The following CSMD1 variants were observed in gnomAD, a reference collection of about 807,000 sequenced individuals.
CSMD1 encodes the protein CUB and Sushi multiple domains 1.
CSMD1 carries 213 observed loss-of-function variants against 417.5 expected under a neutral mutation model. The ratio of observed to expected loss-of-function variants is 0.51; its 90% CI spans 0.46 to 0.57. CSMD1 has a LOEUF of 0.57. Ranked by LOEUF, CSMD1 falls within the 20% of genes least tolerant of loss-of-function variation. The probability of loss-of-function intolerance (pLI) is 0.00; values close to 1 mark genes in which losing one functional copy is unlikely to be tolerated. For synonymous variants in CSMD1, 2,862 were observed against 1,736.8 expected (o/e 1.65, Z -16.11); for missense variants, 6,923 against 4,529.7 (o/e 1.53, Z -15.17).
chr8:4,743,123 C>G (rs1228385350), intron 1 of CSMD1, among the ~76,000 whole-genome samples: 2 of 151,766 alleles, frequency 1.3e-5, no homozygotes, highest in Non-Finnish European at 2.9e-5. Flanking sequence ...ATAAATATAC[C>G]AAGAAAAATA....
intron 3 of CSMD1, among the ~76,000 whole-genome samples, chr8:4,330,861 C>G (rs1249635991): frequency 6.6e-6 from 1 of 152,096 alleles, no homozygotes. Flanking sequence ...GATTCTACAG[C>G]TCAGCAGGAA....
intron 1 of CSMD1, among the ~76,000 whole-genome samples, chr8:4,982,901 G>C (rs542079867): frequency 5.3e-5 from 8 of 152,278 alleles, no homozygotes; most frequent in Admixed American, 4.6e-4. Context: ...AGTTGTAAAA[G>C]AAAGAGACTG....
intron 10 of CSMD1, among the ~76,000 whole-genome samples, chr8:3,551,702 T>G (rs1798923389): frequency 6.6e-6 from 1 of 151,698 alleles, no homozygotes; most frequent in African/African-American, 2.4e-5. Context: ...ACATGACTGA[T>G]GATGAGAAAT....
chr8:4,848,992 T>C (rs75145705), intron 1 of CSMD1, among the ~76,000 whole-genome samples: 1 of 152,212 alleles, frequency 6.6e-6, no homozygotes, highest in East Asian at 1.9e-4. Flanking sequence ...CTTCAGGAAG[T>C]ATTGGAGAAT....
At chr8:4,522,553 T>A (rs1803519795) in intron 2 of CSMD1, among the ~76,000 whole-genome samples, 1 of 152,200 alleles carries the variant, frequency 6.6e-6, no homozygotes, top group African/African-American at 2.4e-5. Context: ...CTCACATAAC[T>A]GATAATTCTG....
At chr8:3,908,729 ATAT>A (rs1808270535) in intron 5 of CSMD1, among the ~76,000 whole-genome samples, 1 of 152,174 alleles carries the variant, frequency 6.6e-6, no homozygotes, top group South Asian at 2.1e-4. Flanking sequence ...GGTCTCAAAG[ATAT>A]TATTAATATA....
At chr8:4,296,740 T>C (rs73660736) in intron 3 of CSMD1, among the ~76,000 whole-genome samples, 240 of 128,358 alleles carry the variant, frequency 1.9e-3, no homozygotes, top group African/African-American at 6.8e-3. Flanking sequence ...CTCTATTGGG[T>C]ATATTTCTAC....
At chr8:2,946,201 ATCTTTTGTTGACC>A (rs1802222656) in intron 68 of CSMD1, among the ~76,000 whole-genome samples, 1 of 152,182 alleles carries the variant, frequency 6.6e-6, no homozygotes, top group Non-Finnish European at 1.5e-5. Flanking sequence ...TGCATATGCG[ATCTTTTGTTGACC>A]AAAATGTCAT....
chr8:4,190,273 A>AG (rs1563247556), intron 3 of CSMD1, among the ~76,000 whole-genome samples: 2 of 150,582 alleles, frequency 1.3e-5, no homozygotes, highest in Non-Finnish European at 3.0e-5. Flanking sequence ...AAAAAAAAAA[A>AG]AAGCAGAGAC....
chr8:4,946,424 C>T (rs148715130), intron 1 of CSMD1, among the ~76,000 whole-genome samples: 1 of 152,144 alleles, frequency 6.6e-6, no homozygotes, highest in African/African-American at 2.4e-5. Context: ...ATGAAGATGG[C>T]TTTGGACCGT....
intron 3 of CSMD1, among the ~76,000 whole-genome samples, chr8:4,110,678 G>A (rs1214209967): frequency 9.9e-5 from 15 of 151,940 alleles, no homozygotes; most frequent in Admixed American, 9.2e-4. Context: ...AGTTACCTAA[G>A]AAAATGTTTT....
At chr8:3,927,926 T>C (rs920499733) in intron 5 of CSMD1, among the ~76,000 whole-genome samples, 3 of 152,120 alleles carry the variant, frequency 2.0e-5, no homozygotes, top group Admixed American at 6.6e-5. Context: ...ATCAAATTCT[T>C]TGTTTTGTTA....
intron 5 of CSMD1, among the ~76,000 whole-genome samples, chr8:3,995,188 A>AATT (rs1054591735): frequency 1.4e-4 from 22 of 152,268 alleles, no homozygotes; most frequent in African/African-American, 5.1e-4. Flanking sequence ...GGGTACTTCA[A>AATT]ATTATTCTGT....
intron 7 of CSMD1, among the ~76,000 whole-genome samples, chr8:3,640,551 C>A (rs1381215364): frequency 1.3e-5 from 2 of 152,092 alleles, no homozygotes; most frequent in African/African-American, 4.8e-5. Context: ...TCATTTTTTT[C>A]CACTGGATTG....
intron 1 of CSMD1, among the ~76,000 whole-genome samples, chr8:4,814,272 A>G (rs11786881): frequency 0.91 from 137,762 of 152,204 alleles, 62,606 homozygotes; most frequent in East Asian, 1. Context: ...GGGGATGGAG[A>G]TTCGCTCTTA....
intron 40 of CSMD1, among the ~76,000 whole-genome samples, chr8:3,145,189 T>G (rs1350684596): frequency 6.6e-6 from 1 of 152,116 alleles, no homozygotes; most frequent in African/African-American, 2.4e-5. Context: ...ATCAAGAAGC[T>G]GACCCGAGAG....
rs931453248 is a variant in CSMD1 at position 4,771,825 on chromosome 8, C to A, written c.86-134267G>T. ...CAAAGTTTGTTTTTATTTCCATCAACGATACCTTTTCTGTTGTGGTTTTAA... is the reference window on the plus strand; with the variant it reads ...CAAAGTTTGTTTTTATTTCCATCAAAGATACCTTTTCTGTTGTGGTTTTAA... On this transcript the variant is annotated intron_variant, in intron 1 of 69. Coordinates refer to ENST00000635120, the MANE Select transcript of CSMD1 (RefSeq NM_033225.6). Among the ~76,000 whole-genome samples, 3 of 152,134 alleles carry A rather than the reference C, an allele frequency of 2.0e-5. No homozygotes were observed. The East Asian group carries it at 5.8e-4, about 29-fold the overall frequency.
At chr8:4,644,129 G>A (rs1803371140) in intron 1 of CSMD1, among the ~76,000 whole-genome samples, 1 of 152,166 alleles carries the variant, frequency 6.6e-6, no homozygotes, top group African/African-American at 2.4e-5. Context: ...GGCCTTGAAG[G>A]GAGCTCTTAC....
intron 3 of CSMD1, among the ~76,000 whole-genome samples, chr8:4,400,125 A>G (rs1216286393): frequency 6.6e-6 from 1 of 152,178 alleles, no homozygotes; most frequent in Non-Finnish European, 1.5e-5. Context: ...TCTGCTCTAT[A>G]GTAATTTGTA....
Sources: gnomAD v4.1 joint callset for allele counts (sites outside exome capture counted in the v4.1 genomes callset) on GRCh38, gnomAD v4.1.1 for gene constraint, MANE v1.5 for transcripts, NCBI Gene and HGNC (gene_info 2026-07-23, HGNC 2026-07-21) for gene names.